The following PSTPIP2 variants were observed in gnomAD, a reference collection of about 807,000 sequenced individuals.
PSTPIP2 encodes proline-serine-threonine phosphatase interacting protein 2, also known as proline-serine-threonine phosphatase-interacting protein 2.
A neutral mutation model predicts 63.3 loss-of-function variants in PSTPIP2; 33 were observed. That is an observed-to-expected ratio of 0.52 (90% CI 0.40 to 0.70). PSTPIP2 has a LOEUF of 0.70. Among genes scored for constraint, PSTPIP2 ranks in the 30% least tolerant of loss-of-function variants. The pLI, the probability that PSTPIP2 is intolerant of heterozygous loss-of-function variation, is 0.00. For synonymous variants in PSTPIP2, 125 were observed against 132.7 expected (o/e 0.94, Z 0.40); for missense variants, 312 against 400.7 (o/e 0.78, Z 1.89).
intron 1 of PSTPIP2, among the ~76,000 whole-genome samples, chr18:46,060,615 C>T (rs1908953223): frequency 6.6e-6 from 1 of 152,228 alleles, no homozygotes; most frequent in Admixed American, 6.5e-5. Context: ...CTTGCCCTCT[C>T]CATTTTCTGT....
chr18:46,063,301 A>G (rs1036629206), intron 1 of PSTPIP2, among the ~76,000 whole-genome samples: 1 of 152,196 alleles, frequency 6.6e-6, no homozygotes, highest in Non-Finnish European at 1.5e-5. Flanking sequence ...CACAGCGCCC[A>G]ATCATAAGAC....
rs765253537 is a variant in PSTPIP2 at position 45,985,383 on chromosome 18, T to C, written c.*76A>G. On this transcript the variant is annotated 3_prime_UTR_variant, in exon 15 of 15. Transcript: ENST00000409746. ...GTCTTCATTGCTGACATAACGTGGC[T>C]ATAGGTCCTGCTGCTCTGGGTGCCC... is the stretch of plus-strand genomic sequence containing the variant. The C allele has an allele frequency of 8.1e-6, 13 of 1,597,314 alleles. No homozygotes were observed. The highest frequency in any genetic ancestry group is 1.1e-5 in the Non-Finnish European group (13 of 1,169,318).
intron 9 of PSTPIP2, chr18:45,993,951 C>T: frequency 2.2e-6 from 1 of 453,144 alleles, no homozygotes; most frequent in Non-Finnish European, 4.1e-6. Flanking sequence ...AATGATGATC[C>T]CAGATACCAA....
intron 6 of PSTPIP2, among the ~76,000 whole-genome samples, chr18:46,001,274 G>C (rs1270018687): frequency 6.6e-6 from 1 of 152,010 alleles, no homozygotes; most frequent in African/African-American, 2.4e-5. Flanking sequence ...TTGTCTTTTT[G>C]ATAACAGCCA....
chr18:46,038,138 G>A (rs1599733107), intron 2 of PSTPIP2, among the ~76,000 whole-genome samples: 1 of 152,256 alleles, frequency 6.6e-6, no homozygotes, highest in East Asian at 1.9e-4. Context: ...AGAGCTCACT[G>A]CAACCTTGAA....
chr18:45,997,267 C>A (rs1313522746), intron 9 of PSTPIP2, among the ~76,000 whole-genome samples: 1 of 152,168 alleles, frequency 6.6e-6, no homozygotes, highest in Non-Finnish European at 1.5e-5. Flanking sequence ...TGGCTCACTG[C>A]AACTTCCGCC....
intron 1 of PSTPIP2, among the ~76,000 whole-genome samples, chr18:46,070,718 C>T (rs1909363926): frequency 2.6e-5 from 4 of 152,068 alleles, no homozygotes; most frequent in Admixed American, 2.6e-4. Context: ...CAGAGTCTCA[C>T]TATGTTGCCC....
intron 10 of PSTPIP2, among the ~76,000 whole-genome samples, chr18:45,992,949 C>T (rs2051554279): frequency 6.6e-6 from 1 of 152,268 alleles, no homozygotes; most frequent in African/African-American, 2.4e-5. Flanking sequence ...TGGTCTCGAA[C>T]TCCTGACCAC....
In PSTPIP2 at chr18:45,996,830, T is replaced by G. The variant is rs368649503; in HGVS notation, c.642+919A>C. 2.4e-4 allele frequency among the ~76,000 whole-genome samples: 36 copies of G among 152,226 alleles called. No individual in the cohort carries two copies. In the East Asian group the frequency reaches 6.0e-3, roughly 25 times the overall value. On this transcript the variant is annotated intron_variant, in intron 9 of 14. Transcript: ENST00000409746. Reference sequence around the variant, plus strand: ...GGTGGTGCACGCCTGTAGTCCCATCTACTTCACTTGAGCTCATGGGGTTTC... The same window carrying G: ...GGTGGTGCACGCCTGTAGTCCCATCGACTTCACTTGAGCTCATGGGGTTTC...
intron 3 of PSTPIP2, among the ~76,000 whole-genome samples, chr18:46,023,937 G>A (rs960232690): frequency 6.6e-6 from 1 of 151,666 alleles, no homozygotes. Context: ...CCTACGAAAA[G>A]GTGTACATAT....
At chr18:46,066,198 G>A (rs542418667) in intron 1 of PSTPIP2, among the ~76,000 whole-genome samples, 1 of 152,022 alleles carries the variant, frequency 6.6e-6, no homozygotes, top group Non-Finnish European at 1.5e-5. Flanking sequence ...AAATTAACCA[G>A]GCGTGGTGGC....
At chr18:46,042,563 A>G (rs564938537) in intron 1 of PSTPIP2, among the ~76,000 whole-genome samples, 2 of 152,274 alleles carry the variant, frequency 1.3e-5, no homozygotes, top group South Asian at 2.1e-4. Context: ...TCCCCTCCCA[A>G]AAAATCTTAT....
intron 5 of PSTPIP2, chr18:46,010,787 C>T (rs937543986): frequency 2.2e-4 from 39 of 179,178 alleles, no homozygotes; most frequent in Non-Finnish European, 1.7e-4. Context: ...TCAGGGGGAG[C>T]GGGAGTCTCT....
chr18:46,016,178 G>A (rs1208210405), intron 3 of PSTPIP2: 2 of 493,562 alleles, frequency 4.1e-6, no homozygotes, highest in East Asian at 3.3e-5. Context: ...AACTCTTTGT[G>A]TTTCATTTTC....
chr18:46,042,341 A>T (rs543085717), intron 1 of PSTPIP2, among the ~76,000 whole-genome samples: 1 of 152,228 alleles, frequency 6.6e-6, no homozygotes, highest in Non-Finnish European at 1.5e-5. Context: ...CTCTAAGATG[A>T]TGCTAACATT....
At chr18:45,995,674 G>A (rs1419726089) in intron 9 of PSTPIP2, among the ~76,000 whole-genome samples, 3 of 152,230 alleles carry the variant, frequency 2.0e-5, no homozygotes, top group Non-Finnish European at 4.4e-5. Context: ...CAGCTGCAGG[G>A]AAGCAAATCC....
At chr18:46,028,356 T>G (rs1907666575) in intron 2 of PSTPIP2, 2 of 485,872 alleles carry the variant, frequency 4.1e-6, no homozygotes, top group Non-Finnish European at 8.1e-6. Context: ...CCCAAAAGGC[T>G]GCCGCTTCAT....
intron 1 of PSTPIP2, among the ~76,000 whole-genome samples, chr18:46,071,802 G>A (rs1486108321): frequency 6.6e-6 from 1 of 152,164 alleles, no homozygotes; most frequent in Non-Finnish European, 1.5e-5. Context: ...TGTGAGAGGA[G>A]GGGTTGATGT....
At chr18:45,989,388 T>C (rs915131647) in intron 13 of PSTPIP2, among the ~76,000 whole-genome samples, 1 of 152,220 alleles carries the variant, frequency 6.6e-6, no homozygotes, top group African/African-American at 2.4e-5. Flanking sequence ...TTGCATCTTC[T>C]TCATTTTCTC....
Sources: gnomAD v4.1 joint callset for allele counts (sites outside exome capture counted in the v4.1 genomes callset) on GRCh38, gnomAD v4.1.1 for gene constraint, MANE v1.5 for transcripts, NCBI Gene and HGNC (gene_info 2026-07-23, HGNC 2026-07-21) for gene names.